The following RP1 variants were observed in gnomAD, a reference collection of about 807,000 sequenced individuals.
The protein encoded by RP1 is RP1 axonemal microtubule associated.
Under a neutral mutation model 14.8 loss-of-function variants are expected in RP1, and 16 were observed. The observed-to-expected ratio is 1.08, with a 90% CI of 0.73 to 1.65. The LOEUF is 1.65. Ranked by LOEUF, RP1 falls within the 40% of genes most tolerant of loss-of-function variation. RP1 has a pLI of 0.00. For synonymous variants in RP1, 876 were observed against 883.6 expected (o/e 0.99, Z 0.15); for missense variants, 2,631 against 2,535.0 (o/e 1.04, Z -0.81).
At chr8:54,747,277 TTCTCGTCC>T (rs1809249136) in intron 19 of RP1, among the ~76,000 whole-genome samples, 5 of 152,206 alleles carry the variant, frequency 3.3e-5, no homozygotes, top group Non-Finnish European at 5.9e-5. Flanking sequence ...GCCCACCTCT[TTCTCGTCC>T]CCTTCTCATG....
chr8:54,868,952 G>C (rs1398195447), intron 28 of RP1, among the ~76,000 whole-genome samples: 1 of 152,080 alleles, frequency 6.6e-6, no homozygotes, highest in African/African-American at 2.4e-5. Flanking sequence ...CCCATCTGTT[G>C]TATTGCTGTA....
In RP1 at chr8:54,627,189, A is replaced by G. The variant is rs768410417; in HGVS notation, c.3307A>G (p.Asn1103Asp). The change falls in exon 4 of 4, where the codon AAT (asparagine) becomes GAT (aspartate). Residue 1103 changes from asparagine to aspartate, a missense_variant. Coordinates refer to ENST00000220676, the MANE Select transcript of RP1 (RefSeq NM_006269.2). ...AGTTCCTGGTATTCACAAGACTCAG[A>G]ATGGAGTTGTTCAAATGCCAGGTTC... ...ASVPGIHKTQ[N>D]GVVQMPGSLA... 1 of 1,614,030 alleles carries G rather than the reference A, an allele frequency of 6.2e-7. No homozygotes were observed. Among genetic ancestry groups the G allele is most frequent in the South Asian group, 1.1e-5 (1 of 91,082 alleles).
At chr8:54,784,930 T>C (rs1447876735) in intron 24 of RP1, among the ~76,000 whole-genome samples, 1 of 152,058 alleles carries the variant, frequency 6.6e-6, no homozygotes, top group Non-Finnish European at 1.5e-5. Flanking sequence ...TTTAATTTTT[T>C]TGTTTTAAAG....
At chr8:54,725,847 T>C (rs1165680860) in intron 16 of RP1, among the ~76,000 whole-genome samples, 1 of 152,166 alleles carries the variant, frequency 6.6e-6, no homozygotes, top group Non-Finnish European at 1.5e-5. Flanking sequence ...AGATACCTAT[T>C]TCTAAACAAG....
chr8:54,709,166 C>G (rs922242409), intron 15 of RP1, among the ~76,000 whole-genome samples: 23 of 152,082 alleles, frequency 1.5e-4, no homozygotes, highest in African/African-American at 5.6e-4. Flanking sequence ...CATGAGGAGA[C>G]CAGAGTCAGG....
chr8:54,699,952 T>C lies in RP1; in HGVS notation c.1821+382T>C, dbSNP rs1585618251. On this transcript the variant is annotated intron_variant, in intron 13 of 22. Coordinates refer to the RP1 transcript ENST00000636932. ...TTTAATGTAATGCATACATGTTATTTATTTTTTAAAATAATACATTGTACG... is the reference window on the plus strand; with the variant it reads ...TTTAATGTAATGCATACATGTTATTCATTTTTTAAAATAATACATTGTACG... Among the ~76,000 whole-genome samples the C allele has an allele frequency of 2.0e-5, 3 of 152,322 alleles. 1 individual carries two copies. In the East Asian group the frequency reaches 5.8e-4, roughly 29 times the overall value.
intron 24 of RP1, among the ~76,000 whole-genome samples, chr8:54,784,480 T>C (rs1810269870): frequency 6.6e-6 from 1 of 151,914 alleles, no homozygotes; most frequent in Admixed American, 6.6e-5. Context: ...GACATTTAAA[T>C]GGCTTTCAAG....
intron 15 of RP1, among the ~76,000 whole-genome samples, chr8:54,713,898 C>G (rs1397031863): frequency 2.0e-5 from 3 of 152,094 alleles, no homozygotes; most frequent in Non-Finnish European, 4.4e-5. Context: ...ACTGAAATTG[C>G]CTTTGCAAAA....
exon 14 of RP1, chr8:54,701,523 A>T (rs1808018817): frequency 1.3e-6 from 2 of 1,535,100 alleles, no homozygotes; most frequent in Non-Finnish European, 1.7e-6. Context: ...CGGGTGCTTT[A>T]TCAGCCTAAC....
downstream of RP1, among the ~76,000 whole-genome samples, chr8:54,774,445 T>G (rs1809986088): frequency 2.0e-5 from 3 of 152,188 alleles, no homozygotes; most frequent in Admixed American, 2.0e-4. Flanking sequence ...TGAACAAGTT[T>G]AGAATCAAAA....
In RP1 at chr8:54,626,734, G is replaced by GT; in HGVS notation, c.2857dup (p.Ser953PhefsTer4). Reference sequence around the variant, plus strand: ...AGTGTGGTAAATTGTAGCAATAATAGTTTTTCAGGGAATGATCCCCATACA... The same window carrying GT: ...AGTGTGGTAAATTGTAGCAATAATAGTTTTTTCAGGGAATGATCCCCATACA... On this transcript the variant is annotated frameshift_variant, in exon 4 of 4. Transcript: ENST00000220676. LOFTEE classifies it low-confidence loss of function (END_TRUNC). 2 of 1,613,886 alleles carry GT rather than the reference G, an allele frequency of 1.2e-6. No individual in the cohort carries two copies. Among genetic ancestry groups the GT allele is most frequent in the Non-Finnish European group, 1.7e-6 (2 of 1,179,928 alleles).
At chr8:54,726,885 C>A (rs151210624) in intron 17 of RP1, among the ~76,000 whole-genome samples, 2 of 151,918 alleles carry the variant, frequency 1.3e-5, no homozygotes, top group African/African-American at 2.4e-5. Flanking sequence ...TGCTCTCGGT[C>A]CCAGAGGCTT....
chr8:54,783,493 T>C, intron 23 of RP1: 1 of 890,454 alleles, frequency 1.1e-6, no homozygotes, highest in East Asian at 3.3e-5. Context: ...ATTTTCCTAA[T>C]ATTAATGTGT....
intron 16 of RP1, chr8:54,726,323 T>A: frequency 1.3e-6 from 2 of 1,513,302 alleles, no homozygotes; most frequent in Non-Finnish European, 1.8e-6. Flanking sequence ...AAGGATGGCA[T>A]CTTTTAAAAT....
intron 24 of RP1, among the ~76,000 whole-genome samples, chr8:54,836,677 G>C (rs1811664477): frequency 6.6e-6 from 1 of 152,146 alleles, no homozygotes; most frequent in South Asian, 2.1e-4. Flanking sequence ...GAGGAGTCCA[G>C]CCCACCCAGT....
intron 24 of RP1, among the ~76,000 whole-genome samples, chr8:54,831,189 T>G (rs1220324105): frequency 6.6e-6 from 1 of 152,074 alleles, no homozygotes; most frequent in Non-Finnish European, 1.5e-5. Context: ...TTTGTCTGAA[T>G]GCCTGTTTTC....
intron 5 of RP1, among the ~76,000 whole-genome samples, chr8:54,653,743 T>C (rs1806701460): frequency 6.6e-6 from 1 of 152,204 alleles, no homozygotes; most frequent in Non-Finnish European, 1.5e-5. Context: ...TATTTTAAAA[T>C]TCAAAATTAC....
Position 54,795,374 on chromosome 8 carries a change from A to G in RP1, c.3615+11664A>G, listed in dbSNP as rs939405295. 2.6e-5 allele frequency among the ~76,000 whole-genome samples: 4 copies of G among 152,156 alleles called. No individual in the cohort carries two copies. The East Asian group carries it at 5.8e-4, about 22-fold the overall frequency. The stretch of plus-strand genomic sequence containing the variant: ...ATAGATAAACATAAATAAAGCCAAA[A>G]AAGACCTAAAAACCCTAATACAGGT... On this transcript the variant is annotated intron_variant, in intron 24 of 28. Transcript: ENST00000637698.
At chr8:54,780,161 G>A (rs1364190290) in intron 23 of RP1, among the ~76,000 whole-genome samples, 1 of 152,202 alleles carries the variant, frequency 6.6e-6, no homozygotes, top group Non-Finnish European at 1.5e-5. Context: ...TGTTGTTGTA[G>A]TGTGAAAACA....
Sources: gnomAD v4.1 joint callset for allele counts (sites outside exome capture counted in the v4.1 genomes callset) on GRCh38, gnomAD v4.1.1 for gene constraint, MANE v1.5 for transcripts, NCBI Gene and HGNC (gene_info 2026-07-23, HGNC 2026-07-21) for gene names.